The following EIF2S1 variants were observed in gnomAD, a reference collection of about 807,000 sequenced individuals.
The protein encoded by EIF2S1 is eukaryotic translation initiation factor 2 subunit 1.
In EIF2S1, 5 loss-of-function variants were observed where a neutral mutation model predicts 33.5. The ratio of observed to expected loss-of-function variants is 0.15; its 90% CI spans 0.08 to 0.31. The LOEUF is 0.31. Ranked by LOEUF, EIF2S1 falls within the 10% of genes least tolerant of loss-of-function variation. The pLI is 1.00. For synonymous variants in EIF2S1, 99 were observed against 127.5 expected, an observed-to-expected ratio of 0.78 and a Z score of 1.51; for missense variants, 191 against 384.6, an observed-to-expected ratio of 0.50 and a Z score of 4.21.
chr14:67,360,633 T>C (rs969279867), intron 1 of EIF2S1, 177 bp downstream of exon 1: 4 of 162,782 alleles, frequency 2.5e-5, no homozygotes, highest in Non-Finnish European at 2.6e-5. Context: ...GCCGGCTCCG[T>C]GTAGGTCATC....
chr14:67,382,910 T>TGC (rs551897541), intron 7 of EIF2S1, among the ~76,000 whole-genome samples: 3,700 of 147,196 alleles, frequency 0.025, 65 homozygotes, highest in Non-Finnish European at 0.036. Context: ...CGTGCGTGCG[T>TGC]GTGTGTGTGT....
At chr14:67,365,044 A>T in intron 2 of EIF2S1, 36 bp downstream of exon 2, 1 of 1,539,080 alleles carries the variant, frequency 6.5e-7, no homozygotes, top group East Asian at 2.3e-5. Flanking sequence ...TAAATTTCAG[A>T]TTTAAAATGG....
intron 2 of EIF2S1, among the ~76,000 whole-genome samples, chr14:67,366,490 T>G (rs1003148445): frequency 6.6e-6 from 1 of 152,236 alleles, no homozygotes. Context: ...TGTAAAGATA[T>G]TTCCATAGCA....
chr14:67,373,332 A>G (rs1313955013), intron 2 of EIF2S1, among the ~76,000 whole-genome samples: 1 of 152,236 alleles, frequency 6.6e-6, no homozygotes, highest in East Asian at 1.9e-4. Flanking sequence ...TAAGTCATAC[A>G]ATTTTTAATG....
Position 67,374,450 on chromosome 14 carries a change from C to G in EIF2S1, c.242-18C>G. The stretch of plus-strand genomic sequence containing the variant: ...GGCATCTGGACAGAGATGATTTTTT[C>G]ACAATTTTTTTGTACAGGATATATT... On this transcript the variant is annotated intron_variant, in intron 2 of 7. Transcript: ENST00000256383. 3 of 1,547,408 alleles carry G rather than the reference C, an allele frequency of 1.9e-6. No individual in the cohort carries two copies. Among genetic ancestry groups the G allele is most frequent in the Non-Finnish European group, 2.6e-6 (3 of 1,133,106 alleles).
rs749190731 is a variant in EIF2S1 at position 67,382,502 on chromosome 14, C to T, written c.734C>T (p.Thr245Ile). The change falls in exon 7 of 8, where the codon ACA becomes ATA. Residue 245 changes from threonine (T) to isoleucine (I), a missense_variant. Thr to Ile is a moderately conservative substitution (Grantham distance 89, BLOSUM62 -1). Coordinates refer to ENST00000256383, the MANE Select transcript of EIF2S1 (RefSeq NM_004094.5). ...ATGACTACGACAACCCTGGAGAGAA[C>T]AGAAGGCCTTTCTGTCCTCAGTCAA... The part of the protein sequence containing the change: ...YVMTTTTLER[T>I]EGLSVLSQAM... The T allele has an allele frequency of 6.2e-7, 1 of 1,613,692 alleles. No homozygotes were observed. The highest frequency in any genetic ancestry group is 1.7e-5 in the Admixed American group (1 of 60,004).
chr14:67,364,660 C>A, intron 1 of EIF2S1, 107 bp from the exon 2 acceptor site: 1 of 1,149,504 alleles, frequency 8.7e-7, no homozygotes, highest in Non-Finnish European at 1.2e-6. Context: ...AGACTAATAA[C>A]TATTTTTTTC....
chr14:67,381,756 T>C, intron 6 of EIF2S1, 66 bp downstream of exon 6: 1 of 1,194,390 alleles, frequency 8.4e-7, no homozygotes, highest in South Asian at 1.4e-5. Flanking sequence ...TCTTTGATCT[T>C]TGTTTCTTTT....
intron 2 of EIF2S1, among the ~76,000 whole-genome samples, chr14:67,372,836 A>AC (rs1441083178): frequency 4.0e-5 from 6 of 151,884 alleles, no homozygotes; most frequent in African/African-American, 1.5e-4. Context: ...CAAAAAAAAA[A>AC]ACAAAAAACA....
At chr14:67,362,483 A>G (rs1013814754) in intron 1 of EIF2S1, among the ~76,000 whole-genome samples, 6 of 152,204 alleles carry the variant, frequency 3.9e-5, no homozygotes, top group African/African-American at 1.4e-4. Context: ...TTACGTATAC[A>G]TGTGATACCC....
chr14:67,362,221 T>C (rs2085747358), intron 1 of EIF2S1, among the ~76,000 whole-genome samples: 1 of 151,944 alleles, frequency 6.6e-6, no homozygotes, highest in Non-Finnish European at 1.5e-5. Context: ...GGTTTCACCA[T>C]GTTGACCAGG....
intron 2 of EIF2S1, among the ~76,000 whole-genome samples, chr14:67,368,993 T>TA (rs2085800273): frequency 6.6e-6 from 1 of 151,950 alleles, no homozygotes; most frequent in African/African-American, 2.4e-5. Context: ...AGAAAACAAA[T>TA]ACCTAAAATG....
chr14:67,383,797 A>G lies in EIF2S1; in HGVS notation c.*357A>G. ...TTTGCCAGGGGCATCCAAGGCAAAC[A>G]ATCCCAATCTTTCTATATAAAATGT... On this transcript the variant is annotated 3_prime_UTR_variant, in exon 8 of 8. Transcript: ENST00000256383. 2 of 289,864 alleles carry G rather than the reference A, an allele frequency of 6.9e-6. No homozygotes were observed. Among genetic ancestry groups the G allele is most frequent in the South Asian group, 6.7e-5 (2 of 29,828 alleles). 18.0% of individuals were successfully genotyped at this position (289,864 alleles called of 1,614,324 possible). A position where few individuals can be genotyped will look rare whatever the true frequency, so the allele number is the denominator to read the frequency against.
rs1206294652 is a variant in EIF2S1, at chr14:67,380,703, G to A, written c.518G>A (p.Arg173Gln). Reference protein sequence around the residue: ...LDSLDLNEDEREVLINNINRR... With the variant: ...LDSLDLNEDEQEVLINNINRR... ...AGTTTAGATTTGAATGAAGATGAAC[G>A]GGAAGTACTCATTAATAATATTAAT... is the stretch of plus-strand genomic sequence containing the variant. Residue 173 changes from arginine (R) to glutamine (Q), a missense_variant, in exon 5 of 8, where the codon CGG becomes CAG. By Grantham distance (43) the Arg-to-Gln change is conservative (BLOSUM62 1). Transcript: ENST00000256383. 14 of 1,584,102 alleles carry A rather than the reference G, an allele frequency of 8.8e-6. No homozygotes were observed. In the Admixed American group the frequency reaches 1.3e-4, roughly 15 times the overall value.
rs1483916542 is a variant in EIF2S1, at chr14:67,383,573, C to T, written c.*133C>T. 1.5e-6 allele frequency: 2 copies of T among 1,308,500 alleles called. No homozygotes were observed. Among genetic ancestry groups the T allele is most frequent in the African/African-American group, 1.5e-5 (1 of 67,910 alleles). The allele number at this position is 1,308,500 out of a possible 1,614,324, so 81.1% of individuals were successfully genotyped here. The stretch of plus-strand genomic sequence containing the variant: ...TTTTATTTCTAAGTATTTAAATGTT[C>T]TAACAGATCAGAACATGAAATGCCC... On this transcript the variant is annotated 3_prime_UTR_variant, in exon 8 of 8. Coordinates refer to ENST00000256383, the MANE Select transcript of EIF2S1 (RefSeq NM_004094.5).
chr14:67,370,065 A>G (rs1464153682), intron 2 of EIF2S1, among the ~76,000 whole-genome samples: 1 of 152,250 alleles, frequency 6.6e-6, no homozygotes, highest in Non-Finnish European at 1.5e-5. Flanking sequence ...CTTATGGGAA[A>G]TGAAGGGATG....
chr14:67,368,068 C>G (rs750371435), intron 2 of EIF2S1, among the ~76,000 whole-genome samples: 1 of 152,038 alleles, frequency 6.6e-6, no homozygotes, highest in Non-Finnish European at 1.5e-5. Context: ...CTTATATTGC[C>G]TGAGAGAAGG....
intron 3 of EIF2S1, 67 bp from the exon 4 acceptor site, chr14:67,376,372 A>G: frequency 7.0e-7 from 1 of 1,434,732 alleles, no homozygotes; most frequent in East Asian, 2.5e-5. Context: ...GTTATTTACT[A>G]AAATGTAAAA....
At chr14:67,362,675 A>G (rs959213835) in intron 1 of EIF2S1, among the ~76,000 whole-genome samples, 2 of 152,204 alleles carry the variant, frequency 1.3e-5, no homozygotes, top group Admixed American at 1.3e-4. Context: ...AAATAAAATA[A>G]GAATGCTGTG....
Sources: gnomAD v4.1 joint callset for allele counts (sites outside exome capture counted in the v4.1 genomes callset) on GRCh38, gnomAD v4.1.1 for gene constraint, MANE v1.5 for transcripts, NCBI Gene and HGNC (gene_info 2026-07-23, HGNC 2026-07-21) for gene names.